The following LARGE1 variants were observed in gnomAD, a reference collection of about 807,000 sequenced individuals.
LARGE1 encodes xylosyl- and glucuronyltransferase LARGE1.
In LARGE1, 43 loss-of-function variants were observed where a neutral mutation model predicts 87.6. The ratio of observed to expected loss-of-function variants is 0.49; its 90% CI spans 0.38 to 0.63. The LOEUF is 0.63. LARGE1 is among the 30% of genes least tolerant of loss of function. The pLI, the probability that LARGE1 is intolerant of heterozygous loss-of-function variation, is 0.00. For synonymous variants in LARGE1, 434 were observed against 394.6 expected (o/e 1.10, Z -1.18); for missense variants, 802 against 1,000.2 (o/e 0.80, Z 2.67).
the LARGE1 span, among the ~76,000 whole-genome samples, chr22:33,097,216 A>G: frequency 2.0e-5 from 3 of 152,360 alleles, no homozygotes; most frequent in South Asian, 6.2e-4. Context: ...GGGCACATCT[A>G]CATTCAGGGG....
chr22:33,701,322 T>C (rs2149370766), intron 2 of LARGE1, among the ~76,000 whole-genome samples: 1 of 152,280 alleles, frequency 6.6e-6, no homozygotes, highest in Middle Eastern at 3.4e-3. Flanking sequence ...AAAGGTGGAA[T>C]GTGGACTTCT....
intron 6 of LARGE1, among the ~76,000 whole-genome samples, chr22:33,447,337 G>C (rs1248893883): frequency 6.6e-6 from 1 of 152,210 alleles, no homozygotes; most frequent in Non-Finnish European, 1.5e-5. Context: ...TGGAGATGAG[G>C]GGAGAGGTAA....
intron 9 of LARGE1, among the ~76,000 whole-genome samples, chr22:33,339,258 C>T (rs2146594782): frequency 6.7e-6 from 1 of 150,316 alleles, no homozygotes; most frequent in African/African-American, 2.5e-5. Context: ...GGAGACAGGG[C>T]CTGGGACAGA....
intron 1 of LARGE1, among the ~76,000 whole-genome samples, chr22:33,851,025 C>A (rs2063568962): frequency 6.6e-6 from 1 of 152,190 alleles, no homozygotes; most frequent in East Asian, 1.9e-4. Context: ...TCATTTGGCA[C>A]CTGGCTTATG....
upstream of LARGE1, among the ~76,000 whole-genome samples, chr22:33,920,778 C>T (rs1330371841): frequency 6.9e-5 from 10 of 144,754 alleles, 1 homozygote; most frequent in East Asian, 2.1e-3. Context: ...CTCCGAGATG[C>T]GCCGGCTTCC....
intron 5 of LARGE1, among the ~76,000 whole-genome samples, chr22:33,585,256 G>A (rs909173913): frequency 3.3e-5 from 5 of 151,948 alleles, no homozygotes; most frequent in African/African-American, 9.7e-5. Flanking sequence ...CAAAGGAGAC[G>A]GGGGAGATTC....
intron 11 of LARGE1, among the ~76,000 whole-genome samples, chr22:33,235,606 G>A (rs1344806643): frequency 1.3e-5 from 2 of 152,170 alleles, no homozygotes; most frequent in African/African-American, 4.8e-5. Context: ...CTGTTATCTA[G>A]GAGCTTAACT....
At chr22:33,205,968 T>C in intron 11 of LARGE1, among the ~76,000 whole-genome samples, 1 of 148,994 alleles carries the variant, frequency 6.7e-6, no homozygotes, top group Non-Finnish European at 1.5e-5. Context: ...TTTTTTTTTT[T>C]TTGTGAGAGG....
intron 7 of LARGE1, among the ~76,000 whole-genome samples, chr22:33,399,347 G>A (rs1476910816): frequency 2.0e-5 from 3 of 152,108 alleles, no homozygotes; most frequent in Non-Finnish European, 4.4e-5. Context: ...AGTATTCCAT[G>A]GTATATATGT....
chr22:33,395,575 A>G (rs1569126196), intron 7 of LARGE1, among the ~76,000 whole-genome samples: 2 of 152,210 alleles, frequency 1.3e-5, no homozygotes, highest in Non-Finnish European at 2.9e-5. Flanking sequence ...AGGTTCTGCC[A>G]CTATTCCCTC....
At chr22:33,694,178 C>T (rs569677078) in intron 2 of LARGE1, among the ~76,000 whole-genome samples, 28 of 152,316 alleles carry the variant, frequency 1.8e-4, no homozygotes, top group African/African-American at 6.5e-4. Flanking sequence ...CTACCAACAA[C>T]GTGGACTGGC....
intron 6 of LARGE1, among the ~76,000 whole-genome samples, chr22:33,444,266 T>C (rs964214610): frequency 2.0e-5 from 3 of 152,248 alleles, no homozygotes; most frequent in African/African-American, 7.2e-5. Context: ...ATCATAACAC[T>C]GTTTTGACTG....
chr22:33,358,800 C>T (rs1320886248), intron 9 of LARGE1, among the ~76,000 whole-genome samples: 3 of 151,964 alleles, frequency 2.0e-5, no homozygotes, highest in African/African-American at 7.3e-5. Context: ...CCCTGGCTAA[C>T]ACAGTGAAAA....
intron 11 of LARGE1, among the ~76,000 whole-genome samples, chr22:33,183,653 C>CAT (rs1568963741): frequency 6.7e-6 from 1 of 149,866 alleles, no homozygotes; most frequent in Non-Finnish European, 1.5e-5. Context: ...CACACACACA[C>CAT]AGTATTTAGC....
intron 6 of LARGE1, among the ~76,000 whole-genome samples, chr22:33,563,944 A>G (rs1439737348): frequency 1.3e-5 from 2 of 152,206 alleles, no homozygotes; most frequent in Non-Finnish European, 2.9e-5. Flanking sequence ...TCATGAATAG[A>G]AACAGAAACC....
At chr22:33,708,936 A>G (rs1199695766) in intron 2 of LARGE1, among the ~76,000 whole-genome samples, 1 of 152,130 alleles carries the variant, frequency 6.6e-6, no homozygotes, top group East Asian at 1.9e-4. Context: ...CTTGGCCTGC[A>G]GCTGGCCATC....
the LARGE1 span, among the ~76,000 whole-genome samples, chr22:33,124,360 G>GGAAGGAAA: frequency 2.2e-5 from 2 of 90,954 alleles, no homozygotes; most frequent in Admixed American, 1.1e-4. Context: ...AAGGAAAGAA[G>GGAAGGAAA]GAAGGAAGGA....
chr22:33,317,577 A>G (rs1478406439), intron 10 of LARGE1, among the ~76,000 whole-genome samples: 1 of 152,104 alleles, frequency 6.6e-6, no homozygotes, highest in Non-Finnish European at 1.5e-5. Flanking sequence ...TCCTTCACCA[A>G]CTTGTGAAAA....
At chr22:33,724,864 A>T (rs1054365811) in intron 2 of LARGE1, 3 of 152,588 alleles carry the variant, frequency 2.0e-5, no homozygotes, top group Admixed American at 2.0e-4. Context: ...CTCAACAGCC[A>T]GCAAATACAG....
Sources: gnomAD v4.1 joint callset for allele counts (sites outside exome capture counted in the v4.1 genomes callset) on GRCh38, gnomAD v4.1.1 for gene constraint, MANE v1.5 for transcripts, NCBI Gene and HGNC (gene_info 2026-07-23, HGNC 2026-07-21) for gene names.